NDUFAF6: variants seen among roughly 807,000 people sequenced by gnomAD.
NDUFAF6 encodes the protein NADH:ubiquinone oxidoreductase complex assembly factor 6, also known as NADH dehydrogenase (ubiquinone) complex I, assembly factor 6.
Under a neutral mutation model 40.8 loss-of-function variants are expected in NDUFAF6, and 45 were observed. The observed-to-expected ratio is 1.10, with a 90% CI of 0.87 to 1.42. The LOEUF (loss-of-function observed/expected upper bound fraction) is 1.42. NDUFAF6 is among the 40% of genes most tolerant of loss of function. The pLI is 0.00. For synonymous variants in NDUFAF6, 185 were observed against 155.9 expected (o/e 1.19, Z -1.39); for missense variants, 435 against 418.5 (o/e 1.04, Z -0.34).
chr8:94,897,452 T>C (rs1817707797), intron 1 of NDUFAF6, among the ~76,000 whole-genome samples: 2 of 152,024 alleles, frequency 1.3e-5, no homozygotes, highest in South Asian at 4.1e-4. Context: ...AGGGGGCGGG[T>C]ATGTTTGTTT....
intron 1 of NDUFAF6, chr8:94,928,768 T>A (rs1820119743): frequency 6.6e-6 from 1 of 152,250 alleles, no homozygotes; most frequent in South Asian, 2.1e-4. Flanking sequence ...AGCTCTTCGC[T>A]GAAAGTCCCC....
At chr8:95,037,362 A>G (rs1829623922) in intron 3 of NDUFAF6, among the ~76,000 whole-genome samples, 1 of 152,254 alleles carries the variant, frequency 6.6e-6, no homozygotes. Flanking sequence ...TTGAGTAAAT[A>G]GGAGTTTGGC....
At chr8:94,990,179 T>C (rs1826132694) in intron 2 of NDUFAF6, among the ~76,000 whole-genome samples, 1 of 152,196 alleles carries the variant, frequency 6.6e-6, no homozygotes, top group Non-Finnish European at 1.5e-5. Flanking sequence ...TGAGTGACTG[T>C]GGAGCAAGCT....
intron 1 of NDUFAF6, chr8:94,927,396 T>C (rs191848451): frequency 1.7e-4 from 26 of 152,338 alleles, no homozygotes; most frequent in African/African-American, 6.3e-4. Context: ...AAGTTTTAAA[T>C]AAACTGTCTT....
At chr8:95,107,245 A>T (rs1345917774), downstream of NDUFAF6, among the ~76,000 whole-genome samples, 2 of 152,234 alleles carry the variant, frequency 1.3e-5, no homozygotes, top group African/African-American at 4.8e-5. Context: ...AATGCCCAGC[A>T]ATGATAGACT....
At chr8:95,024,268 G>A (rs1026116598), upstream of NDUFAF6, among the ~76,000 whole-genome samples, 1 of 152,178 alleles carries the variant, frequency 6.6e-6, no homozygotes, top group African/African-American at 2.4e-5. Flanking sequence ...TGTGAACTGA[G>A]GCACTTCAGC....
rs143566598 is a variant in NDUFAF6 at position 95,017,035 on chromosome 8, T to G, written c.-83-14960T>G. ...TGCGGCCTCAACTTCTGGGCTCAAGTGATTCTGTTGCCTCAGCCTCCCGAG... is the reference window on the plus strand; with the variant it reads ...TGCGGCCTCAACTTCTGGGCTCAAGGGATTCTGTTGCCTCAGCCTCCCGAG... On this transcript the variant is annotated intron_variant, in intron 2 of 9. Transcript: ENST00000396111. Among the ~76,000 whole-genome samples, 923 of 150,184 alleles carry G rather than the reference T, an allele frequency of 6.1e-3. 2 individuals are homozygous for G. Among genetic ancestry groups the G allele is most frequent in the Middle Eastern group, 0.014 (4 of 290 alleles).
At chr8:95,075,762 C>A in exon 10 of NDUFAF6, 2 of 1,222,072 alleles carry the variant, frequency 1.6e-6, no homozygotes, top group Non-Finnish European at 2.2e-6. Flanking sequence ...GGTACTTGAG[C>A]TTGGAAACCT....
upstream of NDUFAF6, among the ~76,000 whole-genome samples, chr8:94,953,444 C>T: frequency 6.6e-6 from 1 of 152,072 alleles, no homozygotes; most frequent in South Asian, 2.1e-4. Flanking sequence ...GCCCTTCATA[C>T]ACCACCCTAG....
Position 95,041,553 on chromosome 8 carries a change from TGC to T in NDUFAF6, c.421-16_421-15del. ...TCTAGTACTTTCTAAAAACTTATAA[TGC>T]TCTTTGTTTTTTAGGCTGTTAAAAG... On this transcript the variant is annotated splice_polypyrimidine_tract_variant and intron_variant, in intron 3 of 8. Coordinates refer to ENST00000396124, the MANE Select transcript of NDUFAF6 (RefSeq NM_152416.4). 7.5e-7 allele frequency: 1 copy of T among 1,327,936 alleles called. No homozygotes were observed. The highest frequency in any genetic ancestry group is 1.2e-5 in the South Asian group (1 of 81,800). The allele number at this position is 1,327,936 out of a possible 1,614,324, so 82.3% of individuals were successfully genotyped here.
chr8:94,958,131 G>C (rs1823237378), exon 1 of NDUFAF6: 1 of 152,502 alleles, frequency 6.6e-6, no homozygotes, highest in African/African-American at 2.4e-5. Flanking sequence ...AGTCCTGACT[G>C]GAGTAGGTTA....
At chr8:94,912,814 A>G (rs1316345298) in intron 1 of NDUFAF6, among the ~76,000 whole-genome samples, 2 of 11,634 alleles carry the variant, frequency 1.7e-4, no homozygotes, top group African/African-American at 4.4e-4. Context: ...CTCCGTCTCA[A>G]AAAAAAAAAA....
downstream of NDUFAF6, among the ~76,000 whole-genome samples, chr8:95,105,058 CACACACACAGAGAGAGAG>C (rs1269765133): frequency 7.5e-4 from 47 of 62,390 alleles, no homozygotes; most frequent in African/African-American, 3.0e-3. Context: ...CACACACACA[CACACACACAGAGAGAGAG>C]AGAGAGAGAG....
At chr8:94,900,592 C>T (rs186667975) in intron 1 of NDUFAF6, among the ~76,000 whole-genome samples, 20 of 152,242 alleles carry the variant, frequency 1.3e-4, no homozygotes, top group African/African-American at 3.9e-4. Flanking sequence ...CAGAAAAGTC[C>T]GGCAGTGATG....
intron 1 of NDUFAF6, among the ~76,000 whole-genome samples, chr8:94,934,589 C>G (rs1820780942): frequency 6.6e-6 from 1 of 152,012 alleles, no homozygotes. Context: ...GCCATGTTGT[C>G]CAGGCTGGTC....
At chr8:95,003,017 GA>G (rs1372028841) in intron 2 of NDUFAF6, among the ~76,000 whole-genome samples, 1 of 152,240 alleles carries the variant, frequency 6.6e-6, no homozygotes, top group Non-Finnish European at 1.5e-5. Context: ...CCCAAAGAAA[GA>G]GAGATCTTTT....
intron 1 of NDUFAF6, chr8:94,927,831 C>T (rs947582141): frequency 3.9e-5 from 6 of 152,242 alleles, no homozygotes; most frequent in Admixed American, 1.3e-4. Flanking sequence ...GCTACTAATT[C>T]AGAGAGGTCT....
intron 1 of NDUFAF6, 45 bp downstream of exon 1, chr8:95,025,250 C>G: frequency 1.5e-6 from 2 of 1,352,660 alleles, no homozygotes; most frequent in Non-Finnish European, 1.9e-6. Context: ...AGCGGGGTCC[C>G]GGGGTGGGAG....
chr8:94,956,828 A>C (rs756193602), upstream of NDUFAF6, among the ~76,000 whole-genome samples: 18 of 152,178 alleles, frequency 1.2e-4, no homozygotes, highest in Non-Finnish European at 2.2e-4. Context: ...AAGAGAATCA[A>C]GGATGGTGCT....
Sources: gnomAD v4.1 joint callset for allele counts (sites outside exome capture counted in the v4.1 genomes callset) on GRCh38, gnomAD v4.1.1 for gene constraint, MANE v1.5 for transcripts, NCBI Gene and HGNC (gene_info 2026-07-23, HGNC 2026-07-21) for gene names.